Variants in IL10RB observed in about 807,000 individuals in gnomAD.
IL10RB encodes interleukin-10 receptor subunit beta.
Under a neutral mutation model 38.7 loss-of-function variants are expected in IL10RB, and 30 were observed. The observed-to-expected ratio is 0.78, with a 90% CI of 0.58 to 1.05. The LOEUF (loss-of-function observed/expected upper bound fraction) is 1.05. IL10RB is among the 50% of genes least tolerant of loss of function. IL10RB has a pLI of 0.00. For synonymous variants in IL10RB, 142 were observed against 145.9 expected (o/e 0.97, Z 0.19); for missense variants, 328 against 397.1 (o/e 0.83, Z 1.48).
intron 6 of IL10RB, among the ~76,000 whole-genome samples, chr21:33,293,072 C>T (rs1158833419): frequency 3.3e-5 from 5 of 152,194 alleles, no homozygotes; most frequent in Non-Finnish European, 1.5e-5. Flanking sequence ...AATAATTGGT[C>T]CTTTAAAGAG....
At chr21:33,271,535 C>G (rs1327707307) in intron 2 of IL10RB, among the ~76,000 whole-genome samples, 2 of 152,086 alleles carry the variant, frequency 1.3e-5, no homozygotes, top group African/African-American at 2.4e-5. Context: ...TCGAGACCAG[C>G]CTTACCAACA....
At chr21:33,287,283 G>A (rs1989392396) in intron 5 of IL10RB, among the ~76,000 whole-genome samples, 1 of 152,182 alleles carries the variant, frequency 6.6e-6, no homozygotes. Flanking sequence ...GAATTCAAGG[G>A]TGTGGCCTTG....
At chr21:33,267,021 AG>A (rs2123557953) in intron 1 of IL10RB, among the ~76,000 whole-genome samples, 1 of 152,074 alleles carries the variant, frequency 6.6e-6, no homozygotes, top group South Asian at 2.1e-4. Context: ...CTTCCGGTTC[AG>A]GCCCGAGCAC....
In IL10RB at chr21:33,296,041, C is replaced by G. The variant is rs2082964478; in HGVS notation, c.805-143C>G. On this transcript the variant is annotated intron_variant, in intron 6 of 6. Coordinates refer to ENST00000290200, the MANE Select transcript of IL10RB (RefSeq NM_000628.5). ...CCTGGGTGACAGAGCAAGACTCTGTCTCAAAAAAATAAAATAAACATTAAA... is the reference window on the plus strand; with the variant it reads ...CCTGGGTGACAGAGCAAGACTCTGTGTCAAAAAAATAAAATAAACATTAAA... The G allele has an allele frequency of 6.3e-6, 3 of 475,590 alleles. No homozygotes were observed. The South Asian group carries it at 8.7e-5, about 14-fold the overall frequency. 29.5% of individuals were successfully genotyped at this position (475,590 alleles called of 1,614,324 possible).
chr21:33,293,155 G>T (rs532089366), intron 6 of IL10RB, among the ~76,000 whole-genome samples: 3 of 152,316 alleles, frequency 2.0e-5, no homozygotes, highest in African/African-American at 7.2e-5. Context: ...AATCTCTACA[G>T]GGTGAGTTTC....
intron 1 of IL10RB, among the ~76,000 whole-genome samples, chr21:33,267,502 G>GTTTGTTTTTTTT (rs1477718652): frequency 8.8e-5 from 9 of 102,704 alleles, no homozygotes; most frequent in African/African-American, 3.0e-4. Context: ...TTGTTTGTTT[G>GTTTGTTTTTTTT]TTTTTTTGTT....
intron 2 of IL10RB, among the ~76,000 whole-genome samples, chr21:33,275,474 T>C (rs1989154527): frequency 6.6e-6 from 1 of 152,192 alleles, no homozygotes; most frequent in Non-Finnish European, 1.5e-5. Flanking sequence ...TCTTCTGCAG[T>C]TTCCTCACCT....
intron 4 of IL10RB, among the ~76,000 whole-genome samples, chr21:33,280,167 C>T (rs1259308433): frequency 6.6e-6 from 1 of 152,170 alleles, no homozygotes; most frequent in Non-Finnish European, 1.5e-5. Flanking sequence ...GGGGAAGGCA[C>T]AGTTGAGTCA....
At chr21:33,303,350 C>CTTTT (rs11340111) in intron 1 of IL10RB, among the ~76,000 whole-genome samples, 35 of 109,922 alleles carry the variant, frequency 3.2e-4, no homozygotes, top group Non-Finnish European at 4.1e-4. Flanking sequence ...CTGTTACTTT[C>CTTTT]TTTTTTTTTT....
At chr21:33,288,324 G>A (rs1989415975) in intron 6 of IL10RB, 63 bp downstream of exon 6, 36 of 1,454,170 alleles carry the variant, frequency 2.5e-5, no homozygotes, top group Non-Finnish European at 3.3e-5. Context: ...TTCCTTTCTA[G>A]TTAGGGCTGC....
intron 6 of IL10RB, among the ~76,000 whole-genome samples, chr21:33,290,069 G>A (rs1430396274): frequency 4.0e-5 from 6 of 151,846 alleles, no homozygotes; most frequent in African/African-American, 9.7e-5. Context: ...AGCCAAGATC[G>A]CGCCACTGCA....
At chr21:33,277,779 C>T (rs552186151) in intron 3 of IL10RB, among the ~76,000 whole-genome samples, 4 of 146,972 alleles carry the variant, frequency 2.7e-5, no homozygotes, top group African/African-American at 5.0e-5. Flanking sequence ...AAATGATTCT[C>T]GTGCCTCAGC....
intron 1 of IL10RB, among the ~76,000 whole-genome samples, chr21:33,306,782 C>T (rs1180934506): frequency 6.6e-6 from 1 of 152,174 alleles, no homozygotes; most frequent in East Asian, 1.9e-4. Flanking sequence ...AGCAATCCTC[C>T]TGCCTTGACT....
intron 1 of IL10RB, among the ~76,000 whole-genome samples, chr21:33,303,350 CTTTTTTTTT>C (rs11340111): frequency 9.1e-6 from 1 of 109,972 alleles, no homozygotes; most frequent in African/African-American, 3.6e-5. Context: ...CTGTTACTTT[CTTTTTTTTT>C]TTTTTTTTTT....
chr21:33,276,449 G>C, intron 2 of IL10RB, 147 bp from the exon 3 acceptor site: 2 of 688,938 alleles, frequency 2.9e-6, no homozygotes, highest in South Asian at 1.6e-5. Flanking sequence ...TCAAGTCTCT[G>C]AGAAGTTCTG....
rs570659452 is a variant in IL10RB, at chr21:33,288,111, C to G, written c.654C>G (p.Val218=). 8 of 1,614,068 alleles carry G rather than the reference C, an allele frequency of 5.0e-6. No homozygotes were observed. Among genetic ancestry groups the G allele is most frequent in the African/African-American group, 2.7e-5 (2 of 75,050 alleles). Residue 218 remains valine, a synonymous_variant, in exon 6 of 7, where the codon GTC becomes GTG. Transcript: ENST00000290200. ...GCCCATTACCCCTGGCAGAAACGGT[C>G]CCCTCCTGGATGGTGGCCGTCATCC... ...VCEQTTHDET[V]PSWMVAVILM... is the part of the protein sequence containing the mutation.
At chr21:33,298,742 AAT>A (rs1414921835), downstream of IL10RB, among the ~76,000 whole-genome samples, 1 of 152,242 alleles carries the variant, frequency 6.6e-6, no homozygotes, top group African/African-American at 2.4e-5. Flanking sequence ...AAGAATGGAA[AAT>A]ATGAGTGGTT....
chr21:33,278,486 A>G (rs2834168), intron 3 of IL10RB, among the ~76,000 whole-genome samples: 40,267 of 152,188 alleles, frequency 0.26, 5,583 homozygotes, highest in Middle Eastern at 0.36. Flanking sequence ...AGTTAAAAGT[A>G]CAAGTTTTTG....
At chr21:33,310,168 C>G (rs1002971162) in exon 2 of IL10RB, 1 of 152,188 alleles carries the variant, frequency 6.6e-6, no homozygotes, top group African/African-American at 2.4e-5. Context: ...AAATAAATTT[C>G]TGTTGTTTAA....
Sources: gnomAD v4.1 joint callset for allele counts (sites outside exome capture counted in the v4.1 genomes callset) on GRCh38, gnomAD v4.1.1 for gene constraint, MANE v1.5 for transcripts, NCBI Gene and HGNC (gene_info 2026-07-23, HGNC 2026-07-21) for gene names.